The following ST8SIA6 variants were observed in gnomAD, a reference collection of about 807,000 sequenced individuals.
The protein encoded by ST8SIA6 is alpha-2,8-sialyltransferase 8F.
ST8SIA6 carries 39 observed loss-of-function variants against 33.6 expected under a neutral mutation model. The observed-to-expected ratio is 1.16, with a 90% CI of 0.90 to 1.52. The LOEUF is 1.52. Among genes scored for constraint, ST8SIA6 ranks in the 40% most tolerant of loss-of-function variants. The pLI is 0.00. For missense variants in ST8SIA6, 441 were observed against 443.8 expected, an observed-to-expected ratio of 0.99 and a Z score of 0.06; for synonymous variants, 172 against 167.2, an observed-to-expected ratio of 1.03 and a Z score of -0.22.
intron 3 of ST8SIA6, among the ~76,000 whole-genome samples, chr10:17,373,231 A>G (rs1849791096): frequency 6.6e-6 from 1 of 152,204 alleles, no homozygotes; most frequent in Admixed American, 6.5e-5. Flanking sequence ...TCATCAGCTT[A>G]TAGAGGCTGT....
chr10:17,394,550 C>T (rs1326154376), intron 2 of ST8SIA6, among the ~76,000 whole-genome samples: 3 of 152,098 alleles, frequency 2.0e-5, no homozygotes, highest in Admixed American at 1.3e-4. Context: ...GGTAAGAAGT[C>T]ACCCAGTAAT....
At chr10:17,439,296 T>C (rs1852389317) in intron 2 of ST8SIA6, among the ~76,000 whole-genome samples, 1 of 143,572 alleles carries the variant, frequency 7.0e-6, no homozygotes, top group East Asian at 2.0e-4. Context: ...TTTTTGGAGT[T>C]GGGGATGGAG....
Position 17,316,262 on chromosome 10 carries a change from A to G in ST8SIA6, c.*4616T>C, listed in dbSNP as rs573654512. Among the ~76,000 whole-genome samples the G allele has an allele frequency of 2.0e-5, 3 of 152,142 alleles. No homozygotes were observed. Among genetic ancestry groups the G allele is most frequent in the African/African-American group, 7.2e-5 (3 of 41,558 alleles). ...ATACGCTTTAAAGTAATTAAATGGC[A>G]TTGTGCTAAAGCTTTTGTTTTCCCT... On this transcript the variant is annotated 3_prime_UTR_variant, in exon 8 of 8. Transcript: ENST00000377602.
At chr10:17,394,226 T>C (rs1850721198) in intron 2 of ST8SIA6, among the ~76,000 whole-genome samples, 1 of 151,940 alleles carries the variant, frequency 6.6e-6, no homozygotes, top group African/African-American at 2.4e-5. Context: ...TGAGAGGATC[T>C]GGGATAGAAG....
At chr10:17,407,523 C>G (rs1401380785) in intron 2 of ST8SIA6, among the ~76,000 whole-genome samples, 1 of 152,190 alleles carries the variant, frequency 6.6e-6, no homozygotes, top group Non-Finnish European at 1.5e-5. Flanking sequence ...CTTAGACCAT[C>G]CTAATTCTTT....
chr10:17,336,818 T>C (rs1246829157), intron 4 of ST8SIA6, among the ~76,000 whole-genome samples: 1 of 152,068 alleles, frequency 6.6e-6, no homozygotes, highest in Non-Finnish European at 1.5e-5. Context: ...GGTCTCAAAC[T>C]CCCGACCCTA....
intron 2 of ST8SIA6, among the ~76,000 whole-genome samples, chr10:17,401,512 G>C (rs532264300): frequency 6.6e-6 from 1 of 152,086 alleles, no homozygotes; most frequent in Non-Finnish European, 1.5e-5. Context: ...GAAGCATCAC[G>C]CTACCTGACT....
intron 4 of ST8SIA6, among the ~76,000 whole-genome samples, chr10:17,351,184 AGAGGCCACCT>A (rs1490468270): frequency 6.6e-6 from 1 of 151,944 alleles, no homozygotes; most frequent in Non-Finnish European, 1.5e-5. Flanking sequence ...CTAGTGCAGA[AGAGGCCACCT>A]GTCCTATCTA....
chr10:17,359,746 C>G, intron 3 of ST8SIA6, 146 bp from the exon 4 acceptor site: 1 of 473,234 alleles, frequency 2.1e-6, no homozygotes, highest in South Asian at 5.0e-5. Flanking sequence ...ATACTCATTT[C>G]AAAACACTGA....
chr10:17,379,685 T>A (rs1850061542), intron 3 of ST8SIA6, among the ~76,000 whole-genome samples: 1 of 152,082 alleles, frequency 6.6e-6, no homozygotes, highest in South Asian at 2.1e-4. Context: ...GCCCCACCTT[T>A]CCAGACCGAA....
chr10:17,327,867 A>G (rs1324892559), intron 5 of ST8SIA6, among the ~76,000 whole-genome samples: 1 of 152,138 alleles, frequency 6.6e-6, no homozygotes, highest in African/African-American at 2.4e-5. Context: ...TGATTGCACC[A>G]CTGCCCTCCA....
chr10:17,412,027 G>A (rs1234059284), intron 2 of ST8SIA6, among the ~76,000 whole-genome samples: 1 of 151,592 alleles, frequency 6.6e-6, no homozygotes, highest in African/African-American at 2.4e-5. Context: ...AGCCCCTCTC[G>A]CTGCACCCTG....
chr10:17,390,389 C>T (rs1210463617), intron 3 of ST8SIA6, 142 bp downstream of exon 3: 26 of 665,620 alleles, frequency 3.9e-5, no homozygotes, highest in Non-Finnish European at 6.4e-5. Context: ...CCATCATGCT[C>T]ATTAACAGGA....
rs929164506 is a variant in ST8SIA6, at chr10:17,396,995, G to T, written c.201-6375C>A. Among the ~76,000 whole-genome samples the T allele has an allele frequency of 2.0e-5, 3 of 151,876 alleles. No homozygotes were observed. The East Asian group carries it at 5.8e-4, about 29-fold the overall frequency. On this transcript the variant is annotated intron_variant, in intron 2 of 7. Coordinates refer to ENST00000377602, the MANE Select transcript of ST8SIA6 (RefSeq NM_001004470.3). ...TCTGACTACTACTCAGGGTCCTTTCGCAGTTTCTTTCTTGGGCCAGTGCAT... is the reference window on the plus strand; with the variant it reads ...TCTGACTACTACTCAGGGTCCTTTCTCAGTTTCTTTCTTGGGCCAGTGCAT...
intron 4 of ST8SIA6, among the ~76,000 whole-genome samples, chr10:17,334,025 T>C (rs1326459572): frequency 6.6e-6 from 1 of 151,102 alleles, no homozygotes; most frequent in African/African-American, 2.4e-5. Context: ...CTGGTTTTTT[T>C]TTTTAAATCT....
intron 2 of ST8SIA6, among the ~76,000 whole-genome samples, chr10:17,430,820 C>G (rs761939517): frequency 3.9e-5 from 6 of 152,152 alleles, no homozygotes; most frequent in African/African-American, 9.7e-5. Flanking sequence ...AATATTTTCT[C>G]CCATTCTGTG....
At chr10:17,391,085 C>T (rs1289502734) in intron 2 of ST8SIA6, among the ~76,000 whole-genome samples, 1 of 151,750 alleles carries the variant, frequency 6.6e-6, no homozygotes, top group Non-Finnish European at 1.5e-5. Flanking sequence ...CTGGAACTCT[C>T]GACCTTAGAT....
chr10:17,322,030 G>A (rs1418731249), intron 7 of ST8SIA6, among the ~76,000 whole-genome samples: 1 of 151,708 alleles, frequency 6.6e-6, no homozygotes, highest in Non-Finnish European at 1.5e-5. Context: ...TTGAGCCCAG[G>A]AGTTTGAGGC....
At chr10:17,385,898 T>C (rs548023270) in intron 3 of ST8SIA6, among the ~76,000 whole-genome samples, 1 of 152,276 alleles carries the variant, frequency 6.6e-6, no homozygotes, top group East Asian at 1.9e-4. Flanking sequence ...CTGAGACCTG[T>C]CTCAGATTTT....
Sources: allele counts gnomAD v4.1 joint callset (sites outside exome capture counted in the v4.1 genomes callset), GRCh38; gene constraint gnomAD v4.1.1; transcripts MANE v1.5; gene names NCBI Gene and HGNC (gene_info 2026-07-23, HGNC 2026-07-21).